RBMS3: variants seen among roughly 807,000 people sequenced by gnomAD.
RBMS3 encodes RNA-binding motif, single-stranded-interacting protein 3.
Under a neutral mutation model 66.8 loss-of-function variants are expected in RBMS3, and 27 were observed. The ratio of observed to expected loss-of-function variants is 0.40; its 90% CI spans 0.30 to 0.56. The LOEUF (loss-of-function observed/expected upper bound fraction) is 0.56, where lower values mean the gene tolerates loss of function less well. RBMS3 is among the 20% of genes least tolerant of loss of function. The pLI is 0.40. For synonymous variants in RBMS3, 188 were observed against 183.0 expected (o/e 1.03, Z -0.22); for missense variants, 513 against 549.5 (o/e 0.93, Z 0.66).
intron 3 of RBMS3, among the ~76,000 whole-genome samples, chr3:29,495,073 A>C (rs994056401): frequency 6.8e-6 from 1 of 147,760 alleles, no homozygotes; most frequent in African/African-American, 2.4e-5. Flanking sequence ...AAAAGTTCTG[A>C]AATCATCCAT....
intron 1 of RBMS3, among the ~76,000 whole-genome samples, chr3:29,360,616 C>G (rs1451118248): frequency 6.6e-6 from 1 of 151,936 alleles, no homozygotes. Context: ...AATTTTCTGT[C>G]TCATTGATCT....
At chr3:29,303,697 C>T (rs1207212059) in intron 1 of RBMS3, among the ~76,000 whole-genome samples, 2 of 151,912 alleles carry the variant, frequency 1.3e-5, no homozygotes, top group Non-Finnish European at 2.9e-5. Context: ...ACCGCAATAA[C>T]AGACACAAAA....
chr3:29,469,003 A>G (rs2042632924), intron 2 of RBMS3, among the ~76,000 whole-genome samples: 1 of 152,128 alleles, frequency 6.6e-6, no homozygotes, highest in Admixed American at 6.5e-5. Flanking sequence ...GTGGGACATA[A>G]TATTACAAAC....
chr3:29,631,301 A>G (rs1328522976), intron 4 of RBMS3, among the ~76,000 whole-genome samples: 1 of 151,896 alleles, frequency 6.6e-6, no homozygotes, highest in Non-Finnish European at 1.5e-5. Context: ...TTGCCAAGTT[A>G]TATTTGTTCT....
chr3:29,621,855 A>T (rs1481822490), intron 4 of RBMS3, among the ~76,000 whole-genome samples: 1 of 152,146 alleles, frequency 6.6e-6, no homozygotes, highest in Non-Finnish European at 1.5e-5. Flanking sequence ...AAAAGAAAAA[A>T]ACCCACTTTA....
chr3:29,761,487 A>G (rs2055686220), intron 5 of RBMS3, among the ~76,000 whole-genome samples: 1 of 152,044 alleles, frequency 6.6e-6, no homozygotes, highest in South Asian at 2.1e-4. Flanking sequence ...CACGCCCTCC[A>G]AGCTGCCCAG....
At chr3:29,430,152 T>C (rs1323876406) in intron 1 of RBMS3, among the ~76,000 whole-genome samples, 1 of 152,140 alleles carries the variant, frequency 6.6e-6, no homozygotes, top group Non-Finnish European at 1.5e-5. Context: ...TTTATAATTC[T>C]TAAAACCAAA....
chr3:29,920,044 A>T (rs1234240628), intron 10 of RBMS3, among the ~76,000 whole-genome samples: 1 of 152,128 alleles, frequency 6.6e-6, no homozygotes, highest in Non-Finnish European at 1.5e-5. Context: ...TACTTAGGAA[A>T]AAATTGTCGC....
chr3:29,986,497 T>C (rs998478042), intron 12 of RBMS3, among the ~76,000 whole-genome samples: 1 of 152,216 alleles, frequency 6.6e-6, no homozygotes, highest in African/African-American at 2.4e-5. Context: ...CAGAAAGCTT[T>C]ACTCTCAGTA....
intron 1 of RBMS3, among the ~76,000 whole-genome samples, chr3:29,289,845 T>C (rs1328754210): frequency 2.0e-5 from 3 of 151,882 alleles, no homozygotes; most frequent in African/African-American, 7.2e-5. Flanking sequence ...TTGGCATATA[T>C]TACATTCAAT....
rs116161477 is a variant in RBMS3 at position 29,838,805 on chromosome 3, A to G, written c.638-30053A>G. Among the ~76,000 whole-genome samples the G allele has an allele frequency of 3.4e-3, 517 of 152,268 alleles. 4 individuals carry two copies. Among genetic ancestry groups the G allele is most frequent in the African/African-American group, 0.012 (494 of 41,552 alleles). ...CCATTAGTATCAAGTTTATATTTCTATTGTCAACTGGAATATTTTTGTTTA... is the reference window on the plus strand; with the variant it reads ...CCATTAGTATCAAGTTTATATTTCTGTTGTCAACTGGAATATTTTTGTTTA... On this transcript the variant is annotated intron_variant, in intron 6 of 14. Transcript: ENST00000383767.
chr3:29,870,709 C>T (rs760402876), intron 7 of RBMS3, among the ~76,000 whole-genome samples: 7 of 152,014 alleles, frequency 4.6e-5, no homozygotes, highest in Non-Finnish European at 1.0e-4. Context: ...ATAATTTAAA[C>T]GTAGGTTTTA....
At chr3:29,567,766 C>T (rs1245175957) in intron 3 of RBMS3, among the ~76,000 whole-genome samples, 1 of 152,072 alleles carries the variant, frequency 6.6e-6, no homozygotes, top group Admixed American at 6.6e-5. Context: ...TTTTGGTGTT[C>T]TCAACTGGCC....
chr3:29,956,220 T>C (rs1276125514), intron 12 of RBMS3, among the ~76,000 whole-genome samples: 3 of 152,236 alleles, frequency 2.0e-5, no homozygotes, highest in South Asian at 2.1e-4. Context: ...TGGTGAGTGC[T>C]TGCTTTCTTT....
At chr3:29,642,012 T>G (rs1383511611) in intron 4 of RBMS3, among the ~76,000 whole-genome samples, 2 of 152,104 alleles carry the variant, frequency 1.3e-5, no homozygotes, top group Non-Finnish European at 2.9e-5. Flanking sequence ...TTCTTAGGCA[T>G]TTTATGAAGA....
At chr3:29,850,702 A>T (rs2058912630) in intron 6 of RBMS3, among the ~76,000 whole-genome samples, 1 of 152,202 alleles carries the variant, frequency 6.6e-6, no homozygotes, top group Admixed American at 6.5e-5. Context: ...TTTACAAACA[A>T]ATAAAACCCA....
At chr3:29,905,522 T>C (rs2060355788) in intron 10 of RBMS3, among the ~76,000 whole-genome samples, 1 of 152,086 alleles carries the variant, frequency 6.6e-6, no homozygotes, top group Non-Finnish European at 1.5e-5. Flanking sequence ...CTGGCATAAA[T>C]TTTATGCCAA....
chr3:29,773,773 C>G (rs891385174), intron 6 of RBMS3, among the ~76,000 whole-genome samples: 1 of 152,092 alleles, frequency 6.6e-6, no homozygotes, highest in Non-Finnish European at 1.5e-5. Flanking sequence ...CATCCATAAA[C>G]AGTGATTGAC....
chr3:29,811,456 C>A (rs1159152016), intron 6 of RBMS3, among the ~76,000 whole-genome samples: 1 of 128,258 alleles, frequency 7.8e-6, no homozygotes, highest in Non-Finnish European at 1.9e-5. Context: ...ATTTTGAACA[C>A]CTTCTATAAG....
Sources: gnomAD v4.1 joint callset for allele counts (sites outside exome capture counted in the v4.1 genomes callset) on GRCh38, gnomAD v4.1.1 for gene constraint, MANE v1.5 for transcripts, NCBI Gene and HGNC (gene_info 2026-07-23, HGNC 2026-07-21) for gene names.